The following COP1 variants were observed in gnomAD, a reference collection of about 807,000 sequenced individuals.
The protein encoded by COP1 is COP1 E3 ubiquitin ligase.
A neutral mutation model predicts 101.3 loss-of-function variants in COP1; 24 were observed. The ratio of observed to expected loss-of-function variants is 0.24; its 90% CI spans 0.17 to 0.33. The LOEUF (loss-of-function observed/expected upper bound fraction) is 0.33, where lower values mean the gene tolerates loss of function less well. Among genes scored for constraint, COP1 ranks in the 10% least tolerant of loss-of-function variants. The pLI, the probability that COP1 is intolerant of heterozygous loss-of-function variation, is 1.00. For missense variants in COP1, 663 were observed against 906.2 expected, an observed-to-expected ratio of 0.73 and a Z score of 3.45; for synonymous variants, 347 against 341.9, an observed-to-expected ratio of 1.01 and a Z score of -0.17.
intron 9 of COP1, among the ~76,000 whole-genome samples, chr1:176,101,625 C>T (rs1341901855): frequency 1.3e-5 from 2 of 152,198 alleles, no homozygotes; most frequent in African/African-American, 4.8e-5. Flanking sequence ...TTTTACTAGT[C>T]GGGCTTCTGC....
intron 18 of COP1, 54 bp downstream of exon 18, chr1:175,986,889 T>C (rs1033568165): frequency 4.2e-5 from 56 of 1,333,910 alleles, no homozygotes; most frequent in Non-Finnish European, 5.3e-5. Context: ...ACCCTGTGTA[T>C]ACATAATGCA....
At chr1:175,978,531 TCC>T (rs766933475) in intron 18 of COP1, among the ~76,000 whole-genome samples, 2 of 152,120 alleles carry the variant, frequency 1.3e-5, no homozygotes, top group Non-Finnish European at 2.9e-5. Context: ...CTTATTTCCT[TCC>T]TTTTCTACTT....
intron 6 of COP1, among the ~76,000 whole-genome samples, chr1:176,138,513 C>T (rs1484496328): frequency 6.6e-6 from 1 of 152,064 alleles, no homozygotes; most frequent in African/African-American, 2.4e-5. Context: ...TTAACTGAAA[C>T]CCTGCTCACT....
intron 2 of COP1, among the ~76,000 whole-genome samples, chr1:176,184,399 A>G (rs1558278920): frequency 6.6e-6 from 1 of 152,180 alleles, no homozygotes; most frequent in Admixed American, 6.5e-5. Context: ...TAAACGCAGA[A>G]GTTTTCAAAT....
At chr1:176,199,040 G>A (rs953513117) in intron 1 of COP1, among the ~76,000 whole-genome samples, 4 of 152,122 alleles carry the variant, frequency 2.6e-5, no homozygotes, top group Non-Finnish European at 4.4e-5. Context: ...AATGGTGGCC[G>A]GGTGTGGTGG....
intron 14 of COP1, among the ~76,000 whole-genome samples, chr1:176,030,855 T>C (rs1049034707): frequency 2.7e-4 from 41 of 152,276 alleles, no homozygotes; most frequent in Non-Finnish European, 1.0e-4. Flanking sequence ...AATAGGGTAT[T>C]TGCAGATGTA....
rs1476883063 is a variant in COP1, at chr1:175,945,108, ATG to A, written c.*43_*44del. 1 of 1,402,220 alleles carries A rather than the reference ATG, an allele frequency of 7.1e-7. No homozygotes were observed. The highest frequency in any genetic ancestry group is 1.4e-5 in the African/African-American group (1 of 70,114). 86.9% of individuals were successfully genotyped at this position (1,402,220 alleles called of 1,614,324 possible). On this transcript the variant is annotated 3_prime_UTR_variant, in exon 20 of 20. Transcript: ENST00000367669. ...TTTCTTCTCTCATTGTCAGCTGCAG[ATG>A]TATTTCAGCAGGATCAAGTACAATT... is the stretch of plus-strand genomic sequence containing the variant.
At chr1:176,033,536 T>G (rs1668988920) in intron 14 of COP1, among the ~76,000 whole-genome samples, 1 of 152,132 alleles carries the variant, frequency 6.6e-6, no homozygotes, top group African/African-American at 2.4e-5. Context: ...GAAAAATACC[T>G]TTAAAGAATG....
intron 6 of COP1, among the ~76,000 whole-genome samples, chr1:176,147,652 C>T (rs527385489): frequency 2.0e-5 from 3 of 152,244 alleles, no homozygotes; most frequent in Admixed American, 6.5e-5. Context: ...CGAAAAAGTT[C>T]TACGGCATGA....
chr1:176,189,445 A>G (rs1318789387), intron 1 of COP1, among the ~76,000 whole-genome samples: 1 of 151,902 alleles, frequency 6.6e-6, no homozygotes. Flanking sequence ...TACTTCTTTA[A>G]AATACTAAGA....
At chr1:176,198,857 T>C (rs930558579) in intron 1 of COP1, among the ~76,000 whole-genome samples, 1 of 152,130 alleles carries the variant, frequency 6.6e-6, no homozygotes, top group East Asian at 1.9e-4. Context: ...CATAAAAATA[T>C]GTTACATAAC....
chr1:176,175,763 T>C, intron 3 of COP1, 147 bp downstream of exon 3: 2 of 443,280 alleles, frequency 4.5e-6, no homozygotes, highest in East Asian at 3.4e-5. Context: ...AGAATCTATG[T>C]CACAACCCAA....
intron 18 of COP1, among the ~76,000 whole-genome samples, chr1:175,962,758 C>T (rs188672257): frequency 6.6e-6 from 1 of 152,252 alleles, no homozygotes; most frequent in East Asian, 1.9e-4. Flanking sequence ...CTCACCGCAC[C>T]TCCCCCTCCC....
intron 3 of COP1, 150 bp from the exon 4 acceptor site, chr1:176,164,041 T>C: frequency 2.0e-6 from 1 of 510,950 alleles, no homozygotes; most frequent in Non-Finnish European, 3.5e-6. Flanking sequence ...CTTTTTATTT[T>C]ATTTCAAGTT....
chr1:176,123,246 G>C (rs1291902493), intron 8 of COP1, among the ~76,000 whole-genome samples: 2 of 152,142 alleles, frequency 1.3e-5, no homozygotes, highest in African/African-American at 4.8e-5. Context: ...AAAATTCAAA[G>C]GTTCAGGGAT....
chr1:176,081,266 T>C lies in COP1; in HGVS notation c.1163A>G (p.Gln388Arg), dbSNP rs773937759. The change falls in exon 11 of 20, where the codon CAG becomes CGG. Residue 388 changes from glutamine (Q) to arginine (R), a missense_variant. This residue lies in a region of COP1 where 212 missense variants were observed against 240.7 expected (regional missense o/e 0.88). Coordinates refer to ENST00000367669, the MANE Select transcript of COP1 (RefSeq NM_022457.7). ...RISDDSRTAS[Q>R]LDEFQECLSK... ...CAAGCATTCCTGAAATTCATCCAAC[T>C]GGCTTGCAGTTCGACTGTCATCTAT... 7 of 1,597,872 alleles carry C rather than the reference T, an allele frequency of 4.4e-6. No homozygotes were observed. The highest frequency in any genetic ancestry group is 6.0e-6 in the Non-Finnish European group (7 of 1,172,502).
intron 15 of COP1, among the ~76,000 whole-genome samples, chr1:175,993,935 A>G (rs1346542881): frequency 2.0e-5 from 3 of 152,184 alleles, no homozygotes; most frequent in Admixed American, 1.3e-4. Context: ...TCCAAGACAC[A>G]TAATTGTCAG....
intron 8 of COP1, among the ~76,000 whole-genome samples, chr1:176,131,379 TG>T (rs1209848746): frequency 1.3e-5 from 2 of 151,668 alleles, no homozygotes; most frequent in African/African-American, 4.8e-5. Context: ...TAAAGTTCTG[TG>T]GGGGGCTGGG....
At chr1:175,960,088 T>C (rs1651152322) in intron 18 of COP1, among the ~76,000 whole-genome samples, 1 of 152,164 alleles carries the variant, frequency 6.6e-6, no homozygotes, top group South Asian at 2.1e-4. Flanking sequence ...GAAAAAACAA[T>C]TTTACAGAGT....
Sources: allele counts gnomAD v4.1 joint callset (sites outside exome capture counted in the v4.1 genomes callset), GRCh38; gene constraint gnomAD v4.1.1; regional missense constraint gnomAD v4.1.1; transcripts MANE v1.5; gene names NCBI Gene and HGNC (gene_info 2026-07-23, HGNC 2026-07-21).